The following NID1 variants were observed in gnomAD, a reference collection of about 807,000 sequenced individuals.
The protein encoded by NID1 is nidogen-1.
In NID1, 76 loss-of-function variants were observed where a neutral mutation model predicts 130.6. That is an observed-to-expected ratio of 0.58 (90% confidence interval 0.48 to 0.70). NID1 has a LOEUF of 0.70. NID1 is among the 30% of genes least tolerant of loss of function. The pLI is 0.00. For synonymous variants in NID1, 665 were observed against 675.1 expected (o/e 0.98, Z 0.23); for missense variants, 1,517 against 1,664.8 (o/e 0.91, Z 1.54).
chr1:235,994,750 G>T (rs1447538585), intron 12 of NID1, among the ~76,000 whole-genome samples: 1 of 148,632 alleles, frequency 6.7e-6, no homozygotes, highest in African/African-American at 2.5e-5. Flanking sequence ...AGGCTGGAGT[G>T]CAGTGGCATG....
intron 19 of NID1, 67 bp from the exon 20 acceptor site, chr1:235,978,055 T>C: frequency 6.4e-7 from 1 of 1,568,008 alleles, no homozygotes; most frequent in Non-Finnish European, 8.7e-7. Flanking sequence ...TTTAAGATAG[T>C]GGGCTCCTTC....
rs749443587 is a variant in NID1, at chr1:236,045,615, C to A, written c.594G>T (p.Glu198Asp). Reference protein sequence around the residue: ...SSSYAIFLYPEDGLQFHTTFS... With the variant: ...SSSYAIFLYPDDGLQFHTTFS... ...ATGTCGTATGGAACTGCAGACCATC[C>A]TCAGGATAAAGGAAAATGGCATAGG... The change falls in exon 3 of 20, where the codon GAG (glutamate) becomes GAT (aspartate). Residue 198 changes from glutamate (E) to aspartate (D), a missense_variant. This residue lies in a region of NID1 where 1,329 missense variants were observed against 1,429.2 expected (regional missense o/e 0.93). Transcript: ENST00000264187. 1 of 1,614,126 alleles carries A rather than the reference C, an allele frequency of 6.2e-7. No homozygotes were observed. The highest frequency in any genetic ancestry group is 2.2e-5 in the East Asian group (1 of 44,876).
rs1657307073 is a variant in NID1 at position 235,977,638 on chromosome 1, GGTAGGGGTGGAGGGTTCTGTCCTTGT to G, written c.*203_*228del. ...TGTATAAGTCTGTCTGAGGGTTGGGGGTAGGGGTGGAGGGTTCTGTCCTTGTGTAGGGGTGGAGACTTTTCTATTAG... is the reference window on the plus strand; with the variant it reads ...TGTATAAGTCTGTCTGAGGGTTGGGGGTAGGGGTGGAGACTTTTCTATTAG... On this transcript the variant is annotated 3_prime_UTR_variant, in exon 20 of 20. Coordinates refer to ENST00000264187, the MANE Select transcript of NID1 (RefSeq NM_002508.3). 2 of 512,636 alleles carry G rather than the reference GGTAGGGGTGGAGGGTTCTGTCCTTGT, an allele frequency of 3.9e-6. No individual in the cohort carries two copies. The highest frequency in any genetic ancestry group is 7.0e-6 in the Non-Finnish European group (2 of 283,952). 31.8% of individuals were successfully genotyped at this position (512,636 alleles called of 1,614,324 possible).
chr1:236,060,543 C>T (rs1456379129), intron 1 of NID1: 23 of 152,162 alleles, frequency 1.5e-4, no homozygotes, highest in Admixed American at 1.5e-3. Context: ...ATGCCTCTGA[C>T]ATAAGGGTAA....
At chr1:236,045,289 A>C (rs1270099023) in intron 3 of NID1, among the ~76,000 whole-genome samples, 168 bp downstream of exon 3, 1 of 152,108 alleles carries the variant, frequency 6.6e-6, no homozygotes, top group African/African-American at 2.4e-5. Context: ...CATTCTAAAA[A>C]TACATTTCCT....
chr1:236,062,246 A>C (rs1660057333), intron 1 of NID1, among the ~76,000 whole-genome samples: 1 of 152,162 alleles, frequency 6.6e-6, no homozygotes, highest in South Asian at 2.1e-4. Flanking sequence ...TTTGATCCAC[A>C]CCAGGTCTCC....
rs1480836013 is a variant in NID1 at position 235,993,877 on chromosome 1, C to T, written c.2528-5G>A. 6.2e-7 allele frequency: 1 copy of T among 1,603,670 alleles called. No individual in the cohort carries two copies. The highest frequency in any genetic ancestry group is 1.7e-4 in the Middle Eastern group (1 of 6,026). On this transcript the variant is annotated splice_region_variant and splice_polypyrimidine_tract_variant and intron_variant, in intron 12 of 19. Transcript: ENST00000264187. ...GGCACCGGGTTTTCTCCACCTCTAT[C>T]AGAGAAACAGGCAACAAGAAAGCTG...
rs367686666 is a variant in NID1, at chr1:235,993,721, G to C, written c.2679C>G (p.Thr893=). Residue 893 remains threonine (T), a synonymous_variant, in exon 13 of 20, where the codon ACC becomes ACG. Coordinates refer to ENST00000264187, the MANE Select transcript of NID1 (RefSeq NM_002508.3). Reference sequence around the variant, plus strand: ...CGCGATCCACGCACCAGCAGTAGCCGGTGCTGCCGTGGCACTGGGTGGGCG... The same window carrying C: ...CGCGATCCACGCACCAGCAGTAGCCCGTGCTGCCGTGGCACTGGGTGGGCG... The part of the protein sequence containing the change: ...HYAPTQCHGS[T]GYCWCVDRDG... 10 of 1,610,798 alleles carry C rather than the reference G, an allele frequency of 6.2e-6. No homozygotes were observed. The African/African-American group carries it at 9.3e-5, about 15-fold the overall frequency.
chr1:236,055,400 T>C (rs932391984), intron 1 of NID1, among the ~76,000 whole-genome samples: 3 of 152,046 alleles, frequency 2.0e-5, no homozygotes, highest in African/African-American at 7.2e-5. Flanking sequence ...TAGTCTCAAA[T>C]TGGTACTTGT....
At chr1:236,002,814 C>A (rs1249437548) in intron 12 of NID1, among the ~76,000 whole-genome samples, 1 of 152,138 alleles carries the variant, frequency 6.6e-6, no homozygotes, top group Non-Finnish European at 1.5e-5. Flanking sequence ...AAGGAGGTGG[C>A]GGTCAGACGT....
chr1:236,035,890 G>T (rs1572610426), intron 5 of NID1, among the ~76,000 whole-genome samples: 5 of 152,174 alleles, frequency 3.3e-5, no homozygotes, highest in African/African-American at 1.2e-4. Context: ...AAGCAAGAAG[G>T]CCAAGTTAAG....
chr1:235,991,115 GCACA>G, intron 13 of NID1, 57 bp from the exon 14 acceptor site: 1 of 1,339,660 alleles, frequency 7.5e-7, no homozygotes. Context: ...ACACACAGAT[GCACA>G]CACACACACC....
chr1:235,979,907 T>C lies in NID1; in HGVS notation c.3424A>G (p.Ser1142Gly), dbSNP rs780410514. The C allele has an allele frequency of 6.2e-7, 1 of 1,613,984 alleles. No homozygotes were observed. Among genetic ancestry groups the C allele is most frequent in the Admixed American group, 1.7e-5 (1 of 60,026 alleles). Residue 1142 changes from serine to glycine, a missense_variant, in exon 18 of 20, where the codon AGC becomes GGC. This residue lies in a region of NID1 where 181 missense variants were observed against 211.3 expected (regional missense o/e 0.86). Coordinates refer to ENST00000264187, the MANE Select transcript of NID1 (RefSeq NM_002508.3). This position sits in a 1 kb window ranked among gnomAD's most constrained non-coding sequence, Gnocchi z 4.6. ...AGCCCTTCGAGAGCCTTGCGTCTGC[T>C]GGGCTGACTGGGGTTCAGGCATTCC... Reference protein sequence around the residue: ...RAECLNPSQPSRRKALEGLQY... With the variant: ...RAECLNPSQPGRRKALEGLQY...
rs777381302 is a variant in NID1 at position 235,993,800 on chromosome 1, C to T, written c.2600G>A (p.Arg867Gln). 1.2e-6 allele frequency: 2 copies of T among 1,614,154 alleles called. No individual in the cohort carries two copies. The highest frequency in any genetic ancestry group is 1.7e-6 in the Non-Finnish European group (2 of 1,180,020). ...AACGAACAGCCCCGGAGGAATGGGT[C>T]GCTGTGGGTCTGTCGCCCCCGCTGC... ...LGAAGATDPQ[R>Q]PIPPGLFVPE... Residue 867 changes from arginine to glutamine, a missense_variant, in exon 13 of 20, where the codon CGA (arginine) becomes CAA (glutamine). By Grantham distance (43) the Arg-to-Gln change is conservative. Around this residue, in one of 3 missense-constraint regions of NID1, gnomAD observed 1,329 missense variants for 1,429.2 expected, o/e 0.93. Transcript: ENST00000264187.
chr1:236,034,833 G>C (rs1044107792), intron 5 of NID1, among the ~76,000 whole-genome samples: 1 of 151,886 alleles, frequency 6.6e-6, no homozygotes, highest in Non-Finnish European at 1.5e-5. Context: ...GAAAACAAAG[G>C]TTACATTGCA....
chr1:236,033,186 T>G (rs921661595), intron 5 of NID1, among the ~76,000 whole-genome samples: 1 of 152,182 alleles, frequency 6.6e-6, no homozygotes, highest in African/African-American at 2.4e-5. Flanking sequence ...CGGGTGCCTG[T>G]AGTCCCAGCT....
chr1:235,993,808 G>T lies in NID1; in HGVS notation c.2592C>A (p.Asp864Glu). The T allele has an allele frequency of 1.2e-6, 2 of 1,614,174 alleles. No individual in the cohort carries two copies. The highest frequency in any genetic ancestry group is 1.7e-6 in the Non-Finnish European group (2 of 1,180,012). ...EHILGAAGAT[D>E]PQRPIPPGLF... The stretch of plus-strand genomic sequence containing the variant: ...GCCCCGGAGGAATGGGTCGCTGTGG[G>T]TCTGTCGCCCCCGCTGCCCCGAGAA... The change falls in exon 13 of 20, where the codon GAC becomes GAA. Residue 864 changes from aspartate to glutamate, a missense_variant. Asp to Glu is a conservative substitution (Grantham distance 45). Coordinates refer to ENST00000264187, the MANE Select transcript of NID1 (RefSeq NM_002508.3).
intron 12 of NID1, among the ~76,000 whole-genome samples, chr1:236,000,074 C>T (rs1170419062): frequency 1.3e-5 from 2 of 152,142 alleles, no homozygotes; most frequent in Admixed American, 6.5e-5. Flanking sequence ...ATTAGCTGGG[C>T]GTGGTGATGG....
At position 235,992,340 on chromosome 1, in the gene NID1, G is replaced by A. The variant is rs200113518; in HGVS notation, c.2756-1282C>T. On this transcript the variant is annotated intron_variant, in intron 13 of 19. Coordinates refer to ENST00000264187, the MANE Select transcript of NID1 (RefSeq NM_002508.3). ...CTCACCTGGATTCATCGTAAGTAGT[G>A]CAACAGCCTTCACCTCCCCCCGCCA... Among the ~76,000 whole-genome samples, 60 of 152,236 alleles carry A rather than the reference G, an allele frequency of 3.9e-4. No homozygotes were observed. The East Asian group carries it at 0.01, about 25-fold the overall frequency.
Sources: allele counts gnomAD v4.1 joint callset (sites outside exome capture counted in the v4.1 genomes callset), GRCh38; gene constraint gnomAD v4.1.1; regional missense constraint gnomAD v4.1.1; non-coding constraint Gnocchi (gnomAD v3.1); transcripts MANE v1.5; gene names NCBI Gene and HGNC (gene_info 2026-07-23, HGNC 2026-07-21).